Variants in AGTPBP1 observed in about 807,000 individuals in gnomAD.
The protein encoded by AGTPBP1 is ATP/GTP binding carboxypeptidase 1, also known as cytosolic carboxypeptidase 1.
A neutral mutation model predicts 143.9 loss-of-function variants in AGTPBP1; 70 were observed. The observed-to-expected ratio is 0.49, with a 90% confidence interval of 0.40 to 0.59. AGTPBP1 has a LOEUF of 0.59. Ranked by LOEUF, AGTPBP1 falls within the 20% of genes least tolerant of loss-of-function variation. The pLI, the probability that AGTPBP1 is intolerant of heterozygous loss-of-function variation, is 0.00. For synonymous variants in AGTPBP1, 463 were observed against 500.2 expected (o/e 0.93, Z 0.99); for missense variants, 1,229 against 1,464.5 (o/e 0.84, Z 2.62).
intron 19 of AGTPBP1, among the ~76,000 whole-genome samples, chr9:85,591,229 C>G (rs1290014046): frequency 1.3e-5 from 2 of 149,104 alleles, no homozygotes; most frequent in African/African-American, 4.9e-5. Context: ...GGGTGAATCA[C>G]GGTAAGAATT....
At chr9:85,786,472 T>A in the AGTPBP1 span, 4 of 1,613,814 alleles carry the variant, frequency 2.5e-6, no homozygotes, top group African/African-American at 5.3e-5. Flanking sequence ...TACGTCAAAT[T>A]TCCGCCTTGG....
chr9:85,652,778 T>C (rs866746383), intron 11 of AGTPBP1, among the ~76,000 whole-genome samples: 5 of 152,288 alleles, frequency 3.3e-5, no homozygotes, highest in Admixed American at 6.5e-5. Flanking sequence ...CCCACCCCCA[T>C]CAACTTTATT....
chr9:85,677,244 C>A (rs1425897788), intron 6 of AGTPBP1, among the ~76,000 whole-genome samples, 192 bp downstream of exon 6: 2 of 152,056 alleles, frequency 1.3e-5, no homozygotes, highest in African/African-American at 2.4e-5. Context: ...ACCCCATGTA[C>A]CCAGATTTGA....
At chr9:85,731,143 A>G (rs1838852738) in intron 1 of AGTPBP1, among the ~76,000 whole-genome samples, 1 of 152,236 alleles carries the variant, frequency 6.6e-6, no homozygotes, top group South Asian at 2.1e-4. Flanking sequence ...CTAATCATGC[A>G]TAGCCAGGGT....
At chr9:85,631,076 T>A (rs1831646987) in intron 14 of AGTPBP1, among the ~76,000 whole-genome samples, 1 of 152,192 alleles carries the variant, frequency 6.6e-6, no homozygotes, top group Non-Finnish European at 1.5e-5. Flanking sequence ...CAAAATGGTA[T>A]GCTTTTCCCC....
chr9:85,578,300 C>T (rs1587667944), intron 24 of AGTPBP1, among the ~76,000 whole-genome samples: 1 of 152,114 alleles, frequency 6.6e-6, no homozygotes, highest in South Asian at 2.1e-4. Context: ...AGTTTACTAA[C>T]AGGATATGTA....
chr9:85,678,198 T>A (rs768639586), intron 5 of AGTPBP1, 137 bp downstream of exon 5: 19 of 552,060 alleles, frequency 3.4e-5, no homozygotes, highest in Non-Finnish European at 5.9e-5. Flanking sequence ...AACAACAAAC[T>A]ATGACATTTC....
intron 25 of AGTPBP1, among the ~76,000 whole-genome samples, chr9:85,555,003 T>C (rs1416194785): frequency 1.3e-5 from 2 of 152,098 alleles, no homozygotes; most frequent in African/African-American, 2.4e-5. Context: ...GATAGGTAAG[T>C]AGAAAATGTC....
At chr9:85,593,505 G>A (rs1829103535) in intron 18 of AGTPBP1, among the ~76,000 whole-genome samples, 1 of 152,184 alleles carries the variant, frequency 6.6e-6, no homozygotes, top group African/African-American at 2.4e-5. Flanking sequence ...GGGGAAGTCT[G>A]AACATTGGAT....
intron 23 of AGTPBP1, among the ~76,000 whole-genome samples, chr9:85,581,176 A>C (rs1828234619): frequency 6.6e-6 from 1 of 152,222 alleles, no homozygotes; most frequent in Non-Finnish European, 1.5e-5. Flanking sequence ...TAAGAGCTGC[A>C]GTAGGTTACC....
In AGTPBP1 at chr9:85,618,970, A is replaced by G; in HGVS notation, c.2335+13T>C. ...CTGCATGCCATTTCAATTGGGAAAG[A>G]AAACTGTCTTACCATAATTAAACTG... is the stretch of plus-strand genomic sequence containing the variant. On this transcript the variant is annotated intron_variant, in intron 17 of 25. Transcript: ENST00000357081. 2 of 1,600,082 alleles carry G rather than the reference A, an allele frequency of 1.2e-6. No homozygotes were observed. The highest frequency in any genetic ancestry group is 2.3e-5 in the South Asian group (2 of 87,856).
intron 25 of AGTPBP1, among the ~76,000 whole-genome samples, chr9:85,550,249 G>T (rs1825963878): frequency 6.6e-6 from 1 of 151,916 alleles, no homozygotes. Context: ...AGGAGCTAGG[G>T]GAATAAATAC....
At chr9:85,662,970 G>A (rs1833930314) in intron 8 of AGTPBP1, among the ~76,000 whole-genome samples, 1 of 152,070 alleles carries the variant, frequency 6.6e-6, no homozygotes, top group Admixed American at 6.6e-5. Context: ...GCAAAAATGA[G>A]ATGGGCCCTA....
upstream of AGTPBP1, among the ~76,000 whole-genome samples, chr9:85,745,789 T>C (rs978697792): frequency 2.6e-5 from 4 of 152,134 alleles, no homozygotes; most frequent in African/African-American, 4.8e-5. Flanking sequence ...ATTGGTGATA[T>C]AGGAGTTAAG....
At chr9:85,649,636 C>T (rs1331698844) in intron 11 of AGTPBP1, among the ~76,000 whole-genome samples, 1 of 152,070 alleles carries the variant, frequency 6.6e-6, no homozygotes, top group Non-Finnish European at 1.5e-5. Context: ...GAGAGGCATC[C>T]TCTAACATTT....
At chr9:85,574,765 G>A (rs1293768863) in intron 25 of AGTPBP1, among the ~76,000 whole-genome samples, 2 of 151,124 alleles carry the variant, frequency 1.3e-5, no homozygotes, top group Non-Finnish European at 2.9e-5. Flanking sequence ...CTAGAGTGCA[G>A]TGGTGAAATC....
intron 25 of AGTPBP1, among the ~76,000 whole-genome samples, chr9:85,571,887 A>T (rs1220997175): frequency 6.6e-6 from 1 of 152,130 alleles, no homozygotes; most frequent in African/African-American, 2.4e-5. Context: ...AAGAGGAATG[A>T]TAGCATGGAG....
At chr9:85,609,606 A>G (rs2133413945) in intron 17 of AGTPBP1, among the ~76,000 whole-genome samples, 1 of 152,238 alleles carries the variant, frequency 6.6e-6, no homozygotes, top group East Asian at 1.9e-4. Context: ...AACATCATTC[A>G]CTACTAAAGT....
intron 24 of AGTPBP1, among the ~76,000 whole-genome samples, chr9:85,576,189 A>C (rs1366119838): frequency 6.6e-6 from 1 of 152,334 alleles, no homozygotes; most frequent in Non-Finnish European, 1.5e-5. Flanking sequence ...AATGGCCTAC[A>C]AATTAATATA....
Sources: allele counts gnomAD v4.1 joint callset (sites outside exome capture counted in the v4.1 genomes callset), GRCh38; gene constraint gnomAD v4.1.1; transcripts MANE v1.5; gene names NCBI Gene and HGNC (gene_info 2026-07-23, HGNC 2026-07-21).